PDE10A: variants seen among roughly 807,000 people sequenced by gnomAD.
PDE10A encodes the protein cAMP and cAMP-inhibited cGMP 3',5'-cyclic phosphodiesterase 10A.
In PDE10A, 39 loss-of-function variants were observed where a neutral mutation model predicts 97.7. The ratio of observed to expected loss-of-function variants is 0.40; its 90% confidence interval spans 0.31 to 0.52. PDE10A has a LOEUF of 0.52. Among genes scored for constraint, PDE10A ranks in the 20% least tolerant of loss-of-function variants. PDE10A has a pLI of 0.56. For missense variants in PDE10A, 731 were observed against 1,047.8 expected (o/e 0.70, Z 4.17); for synonymous variants, 371 against 376.8 (o/e 0.98, Z 0.18).
intron 1 of PDE10A, among the ~76,000 whole-genome samples, chr6:165,829,186 G>A (rs1216392510): frequency 5.9e-5 from 9 of 152,276 alleles, no homozygotes; most frequent in Non-Finnish European, 1.3e-4. Context: ...GCTCTCCAGC[G>A]CATCAGAGCC....
intron 1 of PDE10A, among the ~76,000 whole-genome samples, chr6:165,759,173 G>C (rs777636877): frequency 7.9e-5 from 12 of 152,104 alleles, no homozygotes; most frequent in Non-Finnish European, 1.6e-4. Context: ...TTCTGGGAGA[G>C]GTCCAAAACT....
chr6:165,512,979 T>C (rs1781585158), intron 2 of PDE10A, among the ~76,000 whole-genome samples: 1 of 151,994 alleles, frequency 6.6e-6, no homozygotes, highest in African/African-American at 2.4e-5. Context: ...CATACTCAGA[T>C]CTGTTGACTT....
At chr6:165,444,482 T>C (rs1369619068) in intron 5 of PDE10A, among the ~76,000 whole-genome samples, 2 of 152,164 alleles carry the variant, frequency 1.3e-5, no homozygotes, top group Non-Finnish European at 2.9e-5. Context: ...AAAATACTAC[T>C]ATTTTTCTGT....
intron 1 of PDE10A, among the ~76,000 whole-genome samples, chr6:165,813,861 A>G (rs1037020903): frequency 1.3e-5 from 2 of 152,184 alleles, no homozygotes; most frequent in Admixed American, 1.3e-4. Flanking sequence ...TAGGGCCACA[A>G]TGTTGTGCAA....
intron 2 of PDE10A, among the ~76,000 whole-genome samples, chr6:165,492,709 C>A (rs1780299723): frequency 6.6e-6 from 1 of 152,158 alleles, no homozygotes; most frequent in Non-Finnish European, 1.5e-5. Context: ...TAAAAGCCAT[C>A]TATGACAAAC....
At chr6:165,460,037 G>A (rs949201499) in intron 3 of PDE10A, among the ~76,000 whole-genome samples, 3 of 152,212 alleles carry the variant, frequency 2.0e-5, no homozygotes, top group Admixed American at 6.5e-5. Context: ...TGAGGGACCC[G>A]TCCCGGGCCC....
chr6:165,478,115 T>G (rs2128278312), intron 3 of PDE10A, among the ~76,000 whole-genome samples: 1 of 152,316 alleles, frequency 6.6e-6, no homozygotes, highest in South Asian at 2.1e-4. Context: ...ATGCACTTGC[T>G]TTCTAAAAAT....
intron 1 of PDE10A, among the ~76,000 whole-genome samples, chr6:165,735,140 A>ATAGG (rs1248881038): frequency 6.7e-6 from 1 of 150,192 alleles, no homozygotes; most frequent in Non-Finnish European, 1.5e-5. Context: ...TGGTAGATAA[A>ATAGG]TAGGTAGGTA....
At chr6:165,857,738 A>C (rs903430) in intron 1 of PDE10A, among the ~76,000 whole-genome samples, 1 of 107,976 alleles carries the variant, frequency 9.3e-6, no homozygotes, top group Admixed American at 9.7e-5. Flanking sequence ...TGTGTGTGTG[A>C]AGAATGATTG....
chr6:165,375,080 C>T (rs1784532562), intron 18 of PDE10A, among the ~76,000 whole-genome samples: 1 of 152,126 alleles, frequency 6.6e-6, no homozygotes, highest in African/African-American at 2.4e-5. Context: ...CCTTGAACAT[C>T]CTTGTTCCCT....
intron 1 of PDE10A, among the ~76,000 whole-genome samples, chr6:165,637,994 CTCCTCCTT>C (rs1439040760): frequency 1.3e-5 from 2 of 152,160 alleles, no homozygotes; most frequent in Non-Finnish European, 2.9e-5. Context: ...CATTTCCCAT[CTCCTCCTT>C]TCCTCCAGCC....
At chr6:165,613,065 T>C (rs542625314) in intron 1 of PDE10A, among the ~76,000 whole-genome samples, 1 of 152,354 alleles carries the variant, frequency 6.6e-6, no homozygotes, top group East Asian at 1.9e-4. Context: ...TTATTTTTTA[T>C]TTTAACCAAT....
intron 1 of PDE10A, among the ~76,000 whole-genome samples, chr6:165,758,182 C>A (rs2128457353): frequency 6.6e-6 from 1 of 152,284 alleles, no homozygotes; most frequent in African/African-American, 2.4e-5. Flanking sequence ...TTAAAAAATA[C>A]CAGGCTGGGT....
At chr6:165,915,147 C>G (rs976800445) in intron 1 of PDE10A, among the ~76,000 whole-genome samples, 1 of 152,094 alleles carries the variant, frequency 6.6e-6, no homozygotes, top group African/African-American at 2.4e-5. Flanking sequence ...AATTTTCTTT[C>G]ATGAATGGAA....
intron 1 of PDE10A, among the ~76,000 whole-genome samples, chr6:165,947,853 C>G (rs1036861810): frequency 3.3e-5 from 5 of 152,116 alleles, no homozygotes; most frequent in African/African-American, 1.2e-4. Context: ...CACTTACCCC[C>G]GACCTGGAAT....
chr6:165,699,272 G>A (rs1791512360), intron 1 of PDE10A, among the ~76,000 whole-genome samples: 1 of 152,042 alleles, frequency 6.6e-6, no homozygotes, highest in African/African-American at 2.4e-5. Context: ...AATGATAAGT[G>A]GTTAATCCAA....
At chr6:165,907,905 A>T (rs962800977) in intron 1 of PDE10A, among the ~76,000 whole-genome samples, 1 of 152,206 alleles carries the variant, frequency 6.6e-6, no homozygotes, top group African/African-American at 2.4e-5. Context: ...AACAGGCTTC[A>T]GTCATTGCTA....
At chr6:165,490,702 C>G (rs1780177268) in intron 2 of PDE10A, among the ~76,000 whole-genome samples, 1 of 152,180 alleles carries the variant, frequency 6.6e-6, no homozygotes, top group African/African-American at 2.4e-5. Flanking sequence ...CGTGGTGGTT[C>G]ATGCCAGTTG....
At chr6:165,669,084 C>T (rs1315559090) in intron 1 of PDE10A, among the ~76,000 whole-genome samples, 1 of 152,184 alleles carries the variant, frequency 6.6e-6, no homozygotes, top group Non-Finnish European at 1.5e-5. Flanking sequence ...GGCACACACA[C>T]AGTCTACCCA....
Sources: gnomAD v4.1 joint callset for allele counts (sites outside exome capture counted in the v4.1 genomes callset) on GRCh38, gnomAD v4.1.1 for gene constraint, MANE v1.5 for transcripts, NCBI Gene and HGNC (gene_info 2026-07-23, HGNC 2026-07-21) for gene names.